Variants in RELN observed in about 807,000 individuals in gnomAD.
The protein encoded by RELN is reelin.
Under a neutral mutation model 427.6 loss-of-function variants are expected in RELN, and 108 were observed. The observed-to-expected ratio is 0.25, with a 90% CI of 0.22 to 0.30. RELN has a LOEUF of 0.30. Ranked by LOEUF, RELN falls within the 10% of genes least tolerant of loss-of-function variation. The probability of loss-of-function intolerance (pLI) is 1.00; values close to 1 mark genes in which losing one functional copy is unlikely to be tolerated. For synonymous variants in RELN, 1,524 were observed against 1,513.4 expected (o/e 1.01, Z -0.16); for missense variants, 3,715 against 4,302.8 (o/e 0.86, Z 3.82).
At chr7:103,531,464 T>C (rs965346418) in intron 46 of RELN, among the ~76,000 whole-genome samples, 2 of 152,296 alleles carry the variant, frequency 1.3e-5, no homozygotes, top group South Asian at 4.1e-4. Context: ...GAGTGTGATG[T>C]ATCTCGTGTT....
chr7:103,500,731 GGCTTT>G lies in RELN; in HGVS notation c.8667+9_8667+13del, dbSNP rs755797350. 6.8e-5 allele frequency: 109 copies of G among 1,613,432 alleles called. No individual in the cohort carries two copies. The Middle Eastern group carries it at 2.6e-3, about 38-fold the overall frequency. On this transcript the variant is annotated intron_variant, in intron 53 of 64. Transcript: ENST00000428762. ...GATGTGAGTAATGCGTCTTGTCCAG[GGCTTT>G]ACCCTTACCTTCAGAGTGTGGGTCA...
At chr7:103,718,299 T>G (rs1789990513) in intron 8 of RELN, among the ~76,000 whole-genome samples, 1 of 148,504 alleles carries the variant, frequency 6.7e-6, no homozygotes, top group African/African-American at 2.5e-5. Context: ...GACTTCCTTC[T>G]GTCTTGAAAT....
intron 28 of RELN, among the ~76,000 whole-genome samples, chr7:103,579,702 A>T (rs1288359757): frequency 1.3e-5 from 2 of 152,042 alleles, no homozygotes; most frequent in Admixed American, 1.3e-4. Context: ...AAAAAGAAGA[A>T]GATATCATTC....
At chr7:103,982,286 C>G (rs566212632) in intron 1 of RELN, among the ~76,000 whole-genome samples, 2 of 152,246 alleles carry the variant, frequency 1.3e-5, no homozygotes, top group East Asian at 3.9e-4. Context: ...TCTTCAGCAT[C>G]CAGTTAAAAA....
At chr7:103,736,311 C>T (rs1167129153) in intron 6 of RELN, among the ~76,000 whole-genome samples, 1 of 152,182 alleles carries the variant, frequency 6.6e-6, no homozygotes, top group Non-Finnish European at 1.5e-5. Flanking sequence ...TGATCATTTT[C>T]AAGAAATGAA....
intron 41 of RELN, 48 bp downstream of exon 41, chr7:103,551,019 A>T (rs769845530): frequency 2.7e-6 from 4 of 1,485,098 alleles, no homozygotes; most frequent in Non-Finnish European, 3.7e-6. Flanking sequence ...CTTCAGGAAT[A>T]AACTGTCAAA....
At chr7:103,813,614 C>G (rs1563028493) in intron 3 of RELN, among the ~76,000 whole-genome samples, 2 of 152,000 alleles carry the variant, frequency 1.3e-5, no homozygotes, top group Admixed American at 1.3e-4. Flanking sequence ...ATGGACATAA[C>G]TGAACGACTG....
rs1458665962 is a variant in RELN at position 103,746,247 on chromosome 7, A to T, written c.656+3179T>A. On this transcript the variant is annotated intron_variant, in intron 6 of 64. Coordinates refer to ENST00000428762, the MANE Select transcript of RELN (RefSeq NM_005045.4). ...AGCTGAAACTGGATCCCTTCCTTAC[A>T]TCTTATGCAAAAATTAATTCAAGAT... Among the ~76,000 whole-genome samples, 4 of 152,236 alleles carry T rather than the reference A, an allele frequency of 2.6e-5. 1 individual carries two copies. Among genetic ancestry groups the T allele is most frequent in the Non-Finnish European group, 5.9e-5 (4 of 68,050 alleles).
At position 103,619,187 on chromosome 7, in the gene RELN, G is replaced by A. The variant is rs1040290597; in HGVS notation, c.2703-7384C>T. Among the ~76,000 whole-genome samples the A allele has an allele frequency of 3.3e-5, 5 of 152,108 alleles. No individual in the cohort carries two copies. The South Asian group carries it at 8.3e-4, about 25-fold the overall frequency. On this transcript the variant is annotated intron_variant, in intron 20 of 64. Coordinates refer to ENST00000428762, the MANE Select transcript of RELN (RefSeq NM_005045.4). ...CTCACATCAAATTGGGTGCTTAGTG[G>A]CAGTTTATTCTCAAGGGTCAGATAA...
intron 9 of RELN, 42 bp downstream of exon 9, chr7:103,700,868 T>C: frequency 8.1e-7 from 1 of 1,231,184 alleles, no homozygotes; most frequent in Admixed American, 1.7e-5. Flanking sequence ...TAGAACTCCA[T>C]CTATGTCAGA....
chr7:103,531,893 C>T (rs146924375), intron 46 of RELN, among the ~76,000 whole-genome samples: 1,721 of 152,272 alleles, frequency 0.011, 30 homozygotes, highest in African/African-American at 0.039. Context: ...TGTGGCATTT[C>T]CTCAAAGACC....
intron 3 of RELN, among the ~76,000 whole-genome samples, chr7:103,785,795 A>G (rs1248072523): frequency 6.6e-6 from 1 of 152,162 alleles, no homozygotes; most frequent in Non-Finnish European, 1.5e-5. Flanking sequence ...TGTGGAAAAT[A>G]TAAGGAATTA....
chr7:103,611,474 T>C, intron 21 of RELN, 137 bp downstream of exon 21: 1 of 667,904 alleles, frequency 1.5e-6, no homozygotes, highest in Non-Finnish European at 2.6e-6. Flanking sequence ...ATGTTAATTC[T>C]AAGTTACAAA....
chr7:103,614,554 T>C (rs1832037120), intron 20 of RELN, among the ~76,000 whole-genome samples: 2 of 152,206 alleles, frequency 1.3e-5, no homozygotes, highest in South Asian at 2.1e-4. Context: ...CATTATTAGA[T>C]AAAGACCTCT....
At chr7:103,791,765 A>G (rs1206068407) in intron 3 of RELN, among the ~76,000 whole-genome samples, 2 of 100,772 alleles carry the variant, frequency 2.0e-5, no homozygotes, top group Non-Finnish European at 4.0e-5. Context: ...AACAAAGGAT[A>G]CCATTTAAAA....
intron 12 of RELN, among the ~76,000 whole-genome samples, chr7:103,657,169 CTAA>C (rs1427267939): frequency 6.6e-6 from 1 of 151,946 alleles, no homozygotes; most frequent in African/African-American, 2.4e-5. Flanking sequence ...ATATCTCATC[CTAA>C]TAATGTTTAC....
At chr7:103,671,056 A>G (rs995512153) in intron 11 of RELN, among the ~76,000 whole-genome samples, 2 of 152,056 alleles carry the variant, frequency 1.3e-5, no homozygotes, top group African/African-American at 4.8e-5. Context: ...TATAAGGTCT[A>G]TATTTGGGAT....
In RELN at chr7:103,575,811, G is replaced by A. The variant is rs992139106; in HGVS notation, c.4146-106C>T. 63 of 1,258,136 alleles carry A rather than the reference G, an allele frequency of 5.0e-5. No individual in the cohort carries two copies. The East Asian group carries it at 1.5e-3, about 29-fold the overall frequency. 77.9% of individuals were successfully genotyped at this position (1,258,136 alleles called of 1,614,324 possible). On this transcript the variant is annotated intron_variant, in intron 28 of 64. Transcript: ENST00000428762. ...CTCAACAGAGACTTAATATTTATTT[G>A]AAAGTCATGTCTGCTTGACTGCACT... is the stretch of plus-strand genomic sequence containing the variant.
At chr7:103,972,881 TG>T (rs1268420793) in intron 1 of RELN, among the ~76,000 whole-genome samples, 1 of 139,364 alleles carries the variant, frequency 7.2e-6, no homozygotes, top group Admixed American at 7.6e-5. Context: ...CTAATGTATG[TG>T]GGCATATGAT....
Sources: allele counts gnomAD v4.1 joint callset (sites outside exome capture counted in the v4.1 genomes callset), GRCh38; gene constraint gnomAD v4.1.1; transcripts MANE v1.5; gene names NCBI Gene and HGNC (gene_info 2026-07-23, HGNC 2026-07-21).